PPIP5K2: variants seen among roughly 807,000 people sequenced by gnomAD.
PPIP5K2 encodes diphosphoinositol pentakisphosphate kinase 2.
In PPIP5K2, 105 loss-of-function variants were observed where a neutral mutation model predicts 154.6. The ratio of observed to expected loss-of-function variants is 0.68; its 90% confidence interval spans 0.58 to 0.80. PPIP5K2 has a LOEUF of 0.80. Ranked by LOEUF, PPIP5K2 falls within the 30% of genes least tolerant of loss-of-function variation. The pLI is 0.00. For synonymous variants in PPIP5K2, 480 were observed against 490.3 expected, an observed-to-expected ratio of 0.98 and a Z score of 0.28; for missense variants, 992 against 1,504.6, an observed-to-expected ratio of 0.66 and a Z score of 5.64.
intron 19 of PPIP5K2, among the ~76,000 whole-genome samples, chr5:103,172,007 A>G (rs1261875568): frequency 6.6e-6 from 1 of 151,578 alleles, no homozygotes; most frequent in Non-Finnish European, 1.5e-5. Context: ...CTCTTTACAC[A>G]TGTCTTTCCA....
intron 24 of PPIP5K2, 72 bp from the exon 25 acceptor site, chr5:103,183,162 C>T (rs1440005664): frequency 2.4e-5 from 27 of 1,119,252 alleles, no homozygotes; most frequent in Non-Finnish European, 2.9e-5. Context: ...TTGTATCTAA[C>T]TTTGCATGCT....
At position 103,167,424 on chromosome 5, in the gene PPIP5K2, T is replaced by G. The variant is rs1797301858; in HGVS notation, c.2062+104T>G. On this transcript the variant is annotated intron_variant, in intron 18 of 30. Coordinates refer to ENST00000358359, the MANE Select transcript of PPIP5K2 (RefSeq NM_001276277.3). ...TTGTTGTAAGAAATCAAGCCTCTCT[T>G]GAGAGCTATGTATAGTATGAGTTAA... 3 of 998,402 alleles carry G rather than the reference T, an allele frequency of 3.0e-6. No individual in the cohort carries two copies. The South Asian group carries it at 6.6e-5, about 22-fold the overall frequency. 61.8% of individuals were successfully genotyped at this position (998,402 alleles called of 1,614,324 possible).
chr5:103,138,936 G>T (rs1308460571), intron 5 of PPIP5K2, among the ~76,000 whole-genome samples: 3 of 152,218 alleles, frequency 2.0e-5, no homozygotes, highest in Non-Finnish European at 4.4e-5. Context: ...TGAAAATACG[G>T]AATTCGTGGG....
At chr5:103,197,657 C>T (rs1452346122) in intron 30 of PPIP5K2, among the ~76,000 whole-genome samples, 4 of 144,318 alleles carry the variant, frequency 2.8e-5, no homozygotes, top group Non-Finnish European at 6.0e-5. Context: ...CTCACTGCAA[C>T]CTCCACCTCC....
At chr5:103,174,091 C>T (rs538604137) in intron 21 of PPIP5K2, 119 bp downstream of exon 21, 19 of 769,508 alleles carry the variant, frequency 2.5e-5, no homozygotes, top group East Asian at 5.5e-5. Context: ...TACTTAATGT[C>T]GTCTTTCAAG....
chr5:103,184,645 T>G (rs1359317086), intron 25 of PPIP5K2, 27 bp from the exon 26 acceptor site: 1 of 1,563,686 alleles, frequency 6.4e-7, no homozygotes, highest in South Asian at 1.1e-5. Flanking sequence ...ACTCTTTTAC[T>G]TCATTTATTT....
intron 21 of PPIP5K2, 99 bp from the exon 22 acceptor site, chr5:103,177,568 T>G: frequency 1.5e-6 from 1 of 688,648 alleles, no homozygotes; most frequent in Middle Eastern, 4.1e-4. Context: ...TCACTTTATG[T>G]GGTATCACTA....
At chr5:103,185,633 A>G (rs1406496338) in intron 26 of PPIP5K2, among the ~76,000 whole-genome samples, 1 of 152,096 alleles carries the variant, frequency 6.6e-6, no homozygotes, top group Non-Finnish European at 1.5e-5. Context: ...ATTTGGATGT[A>G]AAAACTTTTG....
intron 7 of PPIP5K2, among the ~76,000 whole-genome samples, chr5:103,148,656 CT>C: frequency 6.6e-6 from 1 of 152,058 alleles, no homozygotes; most frequent in East Asian, 1.9e-4. Context: ...TCTTATAAAC[CT>C]CATTTCTTAC....
At chr5:103,190,764 C>A in intron 28 of PPIP5K2, 78 bp from the exon 29 acceptor site, 2 of 1,326,028 alleles carry the variant, frequency 1.5e-6, no homozygotes, top group Non-Finnish European at 1.0e-6. Flanking sequence ...CAGTTCTAAG[C>A]AGTAGTCTTC....
At chr5:103,154,019 A>G in intron 11 of PPIP5K2, 85 bp downstream of exon 11, 2 of 1,003,868 alleles carry the variant, frequency 2.0e-6, no homozygotes, top group Non-Finnish European at 1.4e-6. Flanking sequence ...TTAATACATC[A>G]TATAGAAAAA....
In PPIP5K2 at chr5:103,173,844, G is replaced by A; in HGVS notation, c.2415-14G>A. 1 of 1,460,530 alleles carries A rather than the reference G, an allele frequency of 6.8e-7. No homozygotes were observed. Among genetic ancestry groups the A allele is most frequent in the Non-Finnish European group, 9.6e-7 (1 of 1,044,920 alleles). The allele number at this position is 1,460,530 out of a possible 1,614,324, so 90.5% of individuals were successfully genotyped here. ...ATATGGTTATGTTTGAACACTGTCT[G>A]CTTCTAATTTTAGGTATTCTAGAGG... On this transcript the variant is annotated splice_polypyrimidine_tract_variant and intron_variant, in intron 20 of 30. Coordinates refer to ENST00000358359, the MANE Select transcript of PPIP5K2 (RefSeq NM_001276277.3).
intron 30 of PPIP5K2, among the ~76,000 whole-genome samples, chr5:103,195,598 C>T (rs184046267): frequency 3.9e-4 from 60 of 152,050 alleles, no homozygotes; most frequent in African/African-American, 8.4e-4. Flanking sequence ...GTATTTTTGA[C>T]CCTTCCTGAA....
intron 1 of PPIP5K2, among the ~76,000 whole-genome samples, chr5:103,124,030 C>T (rs1204924203): frequency 3.3e-5 from 5 of 152,092 alleles, no homozygotes; most frequent in African/African-American, 1.2e-4. Flanking sequence ...CCTGTAATCC[C>T]AGCACTTTGG....
Position 103,155,906 on chromosome 5 carries a change from C to T in PPIP5K2, c.1404-3C>T. The T allele has an allele frequency of 6.4e-7, 1 of 1,571,842 alleles. No individual in the cohort carries two copies. The highest frequency in any genetic ancestry group is 1.1e-5 in the South Asian group (1 of 90,026). ...CTATTCTGTTTATCATTTTATTTTT[C>T]AGGTATGGTCATTTTTCTGGAATAA... is the stretch of plus-strand genomic sequence containing the variant. On this transcript the variant is annotated splice_region_variant and splice_polypyrimidine_tract_variant and intron_variant, in intron 13 of 30. Transcript: ENST00000358359.
At chr5:103,158,369 C>T (rs1421598105) in intron 15 of PPIP5K2, 56 bp downstream of exon 15, 2 of 1,595,030 alleles carry the variant, frequency 1.3e-6, no homozygotes, top group African/African-American at 2.7e-5. Context: ...ATTTTGAAAT[C>T]CTCATTTGTG....
Position 103,146,588 on chromosome 5 carries a change from A to G in PPIP5K2, c.549A>G (p.Pro183=). 1 of 1,612,620 alleles carries G rather than the reference A, an allele frequency of 6.2e-7. No individual in the cohort carries two copies. Among genetic ancestry groups the G allele is most frequent in the Non-Finnish European group, 8.5e-7 (1 of 1,179,168 alleles). The part of the protein sequence containing the change: ...VEVNGEVFQK[P]FVEKPVSAED... ...TAAATGGGGAAGTTTTTCAAAAGCC[A>G]TTTGTAGAAAAGCCAGTCAGTGCAG... The change falls in exon 6 of 31, where the codon CCA becomes CCG. Residue 183 remains proline, a synonymous_variant. Coordinates refer to ENST00000358359, the MANE Select transcript of PPIP5K2 (RefSeq NM_001276277.3).
intron 29 of PPIP5K2, 68 bp downstream of exon 29, chr5:103,191,050 G>A: frequency 6.9e-7 from 1 of 1,449,124 alleles, no homozygotes; most frequent in South Asian, 1.3e-5. Flanking sequence ...GAGTATAACA[G>A]GAATTATAAC....
intron 19 of PPIP5K2, among the ~76,000 whole-genome samples, chr5:103,171,085 T>C (rs1554219430): frequency 1.3e-5 from 2 of 151,562 alleles, no homozygotes; most frequent in African/African-American, 4.8e-5. Context: ...ATGTGAATTA[T>C]GTAATTCCAA....
Sources: allele counts gnomAD v4.1 joint callset (sites outside exome capture counted in the v4.1 genomes callset), GRCh38; gene constraint gnomAD v4.1.1; transcripts MANE v1.5; gene names NCBI Gene and HGNC (gene_info 2026-07-23, HGNC 2026-07-21).